Variants in BPHL observed in about 807,000 individuals in gnomAD.
BPHL encodes biphenyl hydrolase like, also known as serine hydrolase BPHL.
BPHL carries 27 observed loss-of-function variants against 31.2 expected under a neutral mutation model. The observed-to-expected ratio is 0.87, with a 90% CI of 0.64 to 1.19. BPHL has a LOEUF of 1.19. Among genes scored for constraint, BPHL ranks in the 50% most tolerant of loss-of-function variants. BPHL has a pLI of 0.00. For missense variants in BPHL, 356 were observed against 375.7 expected, an observed-to-expected ratio of 0.95 and a Z score of 0.43; for synonymous variants, 150 against 146.8, an observed-to-expected ratio of 1.02 and a Z score of -0.16.
intron 5 of BPHL, chr6:3,138,434 AT>A (rs889792642): frequency 2.0e-4 from 31 of 154,058 alleles, no homozygotes; most frequent in South Asian, 1.6e-3. Context: ...TTATAATCTC[AT>A]TTTTTTTTAA....
rs1039570060 is a variant in BPHL at position 3,153,104 on chromosome 6, C to T, written c.*529C>T. On this transcript the variant is annotated 3_prime_UTR_variant, in exon 7 of 7. Transcript: ENST00000380379. ...CTTCAATAGCTATGAAAATTAAATCCGATTTTCTAAGATGAAGTTGTGACA... is the reference window on the plus strand; with the variant it reads ...CTTCAATAGCTATGAAAATTAAATCTGATTTTCTAAGATGAAGTTGTGACA... 9 of 151,726 alleles carry T rather than the reference C, an allele frequency of 5.9e-5. No individual in the cohort carries two copies. The highest frequency in any genetic ancestry group is 1.3e-4 in the Non-Finnish European group (9 of 67,912). 9.4% of individuals were successfully genotyped at this position (151,726 alleles called of 1,614,324 possible).
At chr6:3,127,530 C>A in intron 3 of BPHL, 122 bp downstream of exon 3, 1 of 822,950 alleles carries the variant, frequency 1.2e-6, no homozygotes, top group Non-Finnish European at 1.7e-6. Flanking sequence ...TATAGAAAAC[C>A]CCAAGAGTTC....
chr6:3,135,513 C>T (rs1360665836), intron 4 of BPHL, among the ~76,000 whole-genome samples: 1 of 152,216 alleles, frequency 6.6e-6, no homozygotes, highest in Non-Finnish European at 1.5e-5. Context: ...GTTTGGAATA[C>T]ATTGCGTTTT....
chr6:3,152,628 C>T lies in BPHL; in HGVS notation c.*53C>T, dbSNP rs1281891532. 9.9e-6 allele frequency: 15 copies of T among 1,514,680 alleles called. No homozygotes were observed. In the Admixed American group the frequency reaches 1.8e-4, roughly 18 times the overall value. The allele number at this position is 1,514,680 out of a possible 1,614,324, so 93.8% of individuals were successfully genotyped here. A position where few individuals can be genotyped will look rare whatever the true frequency, so the allele number is the denominator to read the frequency against. ...CTTCGTGTGGGGCTTGATCGTGTTG[C>T]TGCCTGTTAACATGATGCCTTTGAA... On this transcript the variant is annotated 3_prime_UTR_variant, in exon 7 of 7. Coordinates refer to ENST00000380379, the MANE Select transcript of BPHL (RefSeq NM_004332.4).
At chr6:3,147,573 A>G (rs1427338080) in intron 6 of BPHL, among the ~76,000 whole-genome samples, 5 of 152,130 alleles carry the variant, frequency 3.3e-5, no homozygotes, top group African/African-American at 4.8e-5. Context: ...AGCTAAGACA[A>G]CACCATTATT....
intron 5 of BPHL, chr6:3,137,940 A>G: frequency 8.2e-7 from 1 of 1,225,698 alleles, no homozygotes; most frequent in Non-Finnish European, 1.1e-6. Context: ...AACGGAATTA[A>G]TATGAGGAAG....
chr6:3,140,573 G>A lies in BPHL; in HGVS notation c.788+64G>A. 1 of 1,599,934 alleles carries A rather than the reference G, an allele frequency of 6.3e-7. No homozygotes were observed. Among genetic ancestry groups the A allele is most frequent in the Non-Finnish European group, 8.5e-7 (1 of 1,175,144 alleles). ...CTCGGAGTCAATGGGCAAAGCTACT[G>A]GAAGGAAAATAACCAAGAGGAGTTG... On this transcript the variant is annotated intron_variant, in intron 6 of 6. Transcript: ENST00000380379. The surrounding 1 kb of genome is among the most constrained non-coding windows in gnomAD (Gnocchi z 5.2).
intron 2 of BPHL, 158 bp downstream of exon 2, chr6:3,123,918 C>G (rs1761647213): frequency 1.7e-6 from 1 of 571,616 alleles, no homozygotes; most frequent in Non-Finnish European, 2.9e-6. Flanking sequence ...AAGTAGGTAA[C>G]TTTCTACTGC....
chr6:3,127,255 T>A lies in BPHL; in HGVS notation c.225T>A (p.Thr75=). 1.3e-6 allele frequency: 2 copies of A among 1,553,304 alleles called. No individual in the cohort carries two copies. The highest frequency in any genetic ancestry group is 1.7e-6 in the Non-Finnish European group (2 of 1,144,324). The part of the protein sequence containing the change: ...LLPGMLGSGE[T]DFGPQLKNLN... ...GGCTGTTTTTAGGAAGTGGAGAGAC[T>A]GATTTTGGACCTCAGCTCAAGAACC... Residue 75 remains threonine (T), a synonymous_variant, in exon 3 of 7, where the codon ACT becomes ACA. Coordinates refer to ENST00000380379, the MANE Select transcript of BPHL (RefSeq NM_004332.4).
At chr6:3,119,601 T>C in intron 1 of BPHL, 1 of 1,540,030 alleles carries the variant, frequency 6.5e-7, no homozygotes, top group Non-Finnish European at 8.9e-7. Flanking sequence ...TGGGCAGAAA[T>C]GTGGATAGAG....
rs1037505462 is a variant in BPHL, at chr6:3,149,514, C to T, written c.789-2974C>T. On this transcript the variant is annotated intron_variant, in intron 6 of 6. Transcript: ENST00000380379. The surrounding 1 kb of genome is among the most constrained non-coding windows in gnomAD (Gnocchi z 4.6). ...GAAATGGAGCTGCTCAGTGAGCTGT[C>T]GCCCCCACCATCCCCAAATGCCTGG... is the stretch of plus-strand genomic sequence containing the variant. Among the ~76,000 whole-genome samples the T allele has an allele frequency of 8.5e-5, 13 of 152,234 alleles. No homozygotes were observed. The highest frequency in any genetic ancestry group is 2.6e-4 in the Admixed American group (4 of 15,290).
chr6:3,127,902 C>T (rs1041184897), intron 3 of BPHL, among the ~76,000 whole-genome samples: 3 of 151,854 alleles, frequency 2.0e-5, no homozygotes, highest in African/African-American at 7.3e-5. Context: ...CTCACTGCAA[C>T]CTCTGCCTCC....
Position 3,149,777 on chromosome 6 carries a change from G to C in BPHL, c.789-2711G>C, listed in dbSNP as rs572995943. Among the ~76,000 whole-genome samples, 1 of 152,038 alleles carries C rather than the reference G, an allele frequency of 6.6e-6. No individual in the cohort carries two copies. Among genetic ancestry groups the C allele is most frequent in the African/African-American group, 2.4e-5 (1 of 41,398 alleles). On this transcript the variant is annotated intron_variant, in intron 6 of 6. Coordinates refer to ENST00000380379, the MANE Select transcript of BPHL (RefSeq NM_004332.4). The surrounding 1 kb of genome is among the most constrained non-coding windows in gnomAD (Gnocchi z 4.6). ...CCCGAGTAGCTGGGATTATAGGCGC[G>C]CATCACCACGCCGGCTAATTTTTGT...
intron 6 of BPHL, among the ~76,000 whole-genome samples, chr6:3,142,113 T>A (rs1001634844): frequency 1.3e-5 from 2 of 151,736 alleles, no homozygotes; most frequent in East Asian, 3.9e-4. Context: ...CTTGCAAAAG[T>A]TTTTTTTGTT....
At chr6:3,119,782 A>G (rs986763552) in intron 1 of BPHL, among the ~76,000 whole-genome samples, 3 of 152,348 alleles carry the variant, frequency 2.0e-5, no homozygotes, top group Admixed American at 6.5e-5. Context: ...TTGATCCAAC[A>G]TAGAAACTTT....
rs1237365189 is a variant in BPHL, at chr6:3,140,480, CTT to C, written c.760_761del (p.Phe254HisfsTer3). The C allele has an allele frequency of 6.2e-7, 1 of 1,614,006 alleles. No individual in the cohort carries two copies. Among genetic ancestry groups the C allele is most frequent in the African/African-American group, 1.3e-5 (1 of 74,904 alleles). On this transcript the variant is annotated frameshift_variant, in exon 6 of 7. Coordinates refer to ENST00000380379, the MANE Select transcript of BPHL (RefSeq NM_004332.4). LOFTEE classifies it high-confidence loss of function. The surrounding 1 kb of genome is among the most constrained non-coding windows in gnomAD (Gnocchi z 5.2). ...DPLVPRFHAD[F>X]IHKHVKGSRL... Reference sequence around the variant, plus strand: ...CTCTGGTCCCACGGTTTCATGCCGACTTCATTCATAAGCACGTGAAAGGCTCA... The same window carrying C: ...CTCTGGTCCCACGGTTTCATGCCGACCATTCATAAGCACGTGAAAGGCTCA...
chr6:3,146,527 T>G (rs1469540023), intron 6 of BPHL, among the ~76,000 whole-genome samples: 1 of 105,706 alleles, frequency 9.5e-6, no homozygotes, highest in African/African-American at 4.1e-5. Context: ...TGGGTCGGAG[T>G]GCTGGTTTGG....
In BPHL at chr6:3,140,427, G is replaced by T. The variant is rs533848752; in HGVS notation, c.706G>T (p.Ala236Ser). 3.2e-5 allele frequency: 52 copies of T among 1,614,056 alleles called. No homozygotes were observed. Among genetic ancestry groups the T allele is most frequent in the Non-Finnish European group, 3.9e-5 (46 of 1,179,998 alleles). The change falls in exon 6 of 7, where the codon GCC (alanine) becomes TCC (serine). Residue 236 changes from alanine (A) to serine (S), a missense_variant. Physicochemically the swap from Ala to Ser is moderately conservative, Grantham distance 99. Transcript: ENST00000380379. This position sits in a 1 kb window ranked among gnomAD's most constrained non-coding sequence, Gnocchi z 5.2. The stretch of plus-strand genomic sequence containing the variant: ...CCTGCTGCCCCGGGTCCAGTGCCCC[G>T]CCTTGATTGTGCACGGTGAGAAGGA... ...RHLLPRVQCP[A>S]LIVHGEKDPL...
intron 6 of BPHL, among the ~76,000 whole-genome samples, chr6:3,148,079 T>C (rs1762428938): frequency 6.6e-6 from 1 of 152,154 alleles, no homozygotes; most frequent in Admixed American, 6.5e-5. Context: ...TCAGAAATAA[T>C]GTTTGACCAA....
Sources: allele counts gnomAD v4.1 joint callset (sites outside exome capture counted in the v4.1 genomes callset), GRCh38; gene constraint gnomAD v4.1.1; non-coding constraint Gnocchi (gnomAD v3.1); transcripts MANE v1.5; gene names NCBI Gene and HGNC (gene_info 2026-07-23, HGNC 2026-07-21).